Variants in HIGD1A observed in about 807,000 individuals in gnomAD.
HIGD1A encodes the protein HIG1 hypoxia inducible domain family member 1A.
HIGD1A carries 8 observed loss-of-function variants against 11.3 expected under a neutral mutation model. The observed-to-expected ratio is 0.71, with a 90% CI of 0.42 to 1.28. The LOEUF (loss-of-function observed/expected upper bound fraction) is 1.28. Ranked by LOEUF, HIGD1A falls within the 50% of genes most tolerant of loss-of-function variation. The pLI is 0.01. For synonymous variants in HIGD1A, 32 were observed against 38.4 expected, an observed-to-expected ratio of 0.83 and a Z score of 0.62; for missense variants, 107 against 118.8, an observed-to-expected ratio of 0.90 and a Z score of 0.46.
chr3:42,794,863 TA>T (rs1330093836), intron 1 of HIGD1A, among the ~76,000 whole-genome samples: 1 of 152,216 alleles, frequency 6.6e-6, no homozygotes, highest in African/African-American at 2.4e-5. Context: ...GGGAAAAGAT[TA>T]TTCTGAATAG....
At chr3:42,792,735 T>C (rs1236314624) in intron 2 of HIGD1A, among the ~76,000 whole-genome samples, 1 of 150,658 alleles carries the variant, frequency 6.6e-6, no homozygotes, top group Non-Finnish European at 1.5e-5. Flanking sequence ...ATCCCAGCAC[T>C]TTGGGAGGCC....
In HIGD1A at chr3:42,783,851, G is replaced by A. The variant is rs1258733635; in HGVS notation, c.*1420C>T. On this transcript the variant is annotated 3_prime_UTR_variant, in exon 4 of 4. Transcript: ENST00000321331. ...AGCACTTTGGGAGGCCGAGGCAGGT[G>A]GATAACCTGAGGTCAGGAATTCAAG... Among the ~76,000 whole-genome samples, 2 of 152,046 alleles carry A rather than the reference G, an allele frequency of 1.3e-5. No homozygotes were observed. The highest frequency in any genetic ancestry group is 6.6e-5 in the Admixed American group (1 of 15,248).
At chr3:42,795,604 C>T (rs778487060) in intron 1 of HIGD1A, among the ~76,000 whole-genome samples, 14 of 152,066 alleles carry the variant, frequency 9.2e-5, no homozygotes, top group Non-Finnish European at 1.2e-4. Flanking sequence ...GATCTGCCTT[C>T]ATTTACATAC....
intron 2 of HIGD1A, among the ~76,000 whole-genome samples, chr3:42,788,905 T>G (rs1473031286): frequency 6.6e-6 from 1 of 150,632 alleles, no homozygotes; most frequent in Middle Eastern, 3.2e-3. Context: ...AAAAAAGCCA[T>G]GAGAAGAGAA....
At chr3:42,788,070 G>A (rs1700374355) in intron 2 of HIGD1A, among the ~76,000 whole-genome samples, 1 of 151,810 alleles carries the variant, frequency 6.6e-6, no homozygotes, top group South Asian at 2.1e-4. Flanking sequence ...ACTAGATTTG[G>A]AGGTTAAAGT....
At chr3:42,787,100 T>C (rs1254400286) in intron 2 of HIGD1A, among the ~76,000 whole-genome samples, 1 of 152,178 alleles carries the variant, frequency 6.6e-6, no homozygotes, top group African/African-American at 2.4e-5. Context: ...AAATGACTGG[T>C]ATAATATAGC....
At chr3:42,794,932 A>C (rs971560975) in intron 1 of HIGD1A, among the ~76,000 whole-genome samples, 1 of 152,120 alleles carries the variant, frequency 6.6e-6, no homozygotes, top group African/African-American at 2.4e-5. Flanking sequence ...TTTTATTTTA[A>C]ATATTGGTAG....
At chr3:42,785,946 A>G in intron 3 of HIGD1A, 82 bp downstream of exon 3, 1 of 1,284,118 alleles carries the variant, frequency 7.8e-7, no homozygotes, top group African/African-American at 1.5e-5. Context: ...CTAAAAGGTC[A>G]GCTAAAAATA....
rs1221301890 is a variant in HIGD1A at position 42,783,753 on chromosome 3, CTG to C, written c.*1516_*1517del. Among the ~76,000 whole-genome samples, 1 of 151,986 alleles carries C rather than the reference CTG, an allele frequency of 6.6e-6. No homozygotes were observed. Among genetic ancestry groups the C allele is most frequent in the Non-Finnish European group, 1.5e-5 (1 of 68,018 alleles). ...ATTGCTCAAAAGGAATTATTGGTGA[CTG>C]AAAATAAATAGAAGAGTGTTATAAT... On this transcript the variant is annotated 3_prime_UTR_variant, in exon 4 of 4. Transcript: ENST00000321331.
intron 1 of HIGD1A, among the ~76,000 whole-genome samples, chr3:42,803,758 C>T (rs111985648): frequency 5.5e-4 from 84 of 152,340 alleles, no homozygotes; most frequent in Non-Finnish European, 1.1e-3. Context: ...TAATTCTGCC[C>T]TTACGCTGTG....
At chr3:42,803,982 G>C (rs894302346) in intron 1 of HIGD1A, among the ~76,000 whole-genome samples, 2 of 152,110 alleles carry the variant, frequency 1.3e-5, no homozygotes, top group Non-Finnish European at 2.9e-5. Flanking sequence ...TGACCTTGTC[G>C]TGACTCCGTG....
At chr3:42,787,595 ATAT>A (rs1559675327) in intron 2 of HIGD1A, among the ~76,000 whole-genome samples, 2 of 128,968 alleles carry the variant, frequency 1.6e-5, no homozygotes, top group South Asian at 2.4e-4. Flanking sequence ...CATCTCAAAA[ATAT>A]ATATATATAT....
chr3:42,791,106 A>G (rs926510846), intron 2 of HIGD1A, among the ~76,000 whole-genome samples: 2 of 152,254 alleles, frequency 1.3e-5, no homozygotes, highest in Non-Finnish European at 1.5e-5. Flanking sequence ...CAAATCTCTC[A>G]TATGTTTAGT....
intron 1 of HIGD1A, among the ~76,000 whole-genome samples, chr3:42,801,407 G>A (rs1448769226): frequency 6.6e-6 from 1 of 152,164 alleles, no homozygotes; most frequent in Non-Finnish European, 1.5e-5. Context: ...CAGTTTGTCT[G>A]TTTCTTTTGC....
At chr3:42,785,814 G>C (rs1233309980) in intron 3 of HIGD1A, among the ~76,000 whole-genome samples, 1 of 151,928 alleles carries the variant, frequency 6.6e-6, no homozygotes, top group Non-Finnish European at 1.5e-5. Context: ...GTGATTGACA[G>C]GATTTTTTTT....
At chr3:42,795,308 T>C (rs527521977) in intron 1 of HIGD1A, among the ~76,000 whole-genome samples, 1 of 151,668 alleles carries the variant, frequency 6.6e-6, no homozygotes, top group Admixed American at 6.6e-5. Context: ...AACCTCTGCC[T>C]CCCAGGTTCA....
rs1428730452 is a variant in HIGD1A, at chr3:42,794,294, G to T, written c.-22-19C>A. ...AATCTCCCTGAGAAAGAATTTCTAT[G>T]AGGTTCTGTAATTAAAAGCATCTGA... On this transcript the variant is annotated intron_variant, in intron 1 of 3. Coordinates refer to ENST00000321331, the MANE Select transcript of HIGD1A (RefSeq NM_014056.4). 6.4e-7 allele frequency: 1 copy of T among 1,552,490 alleles called. No individual in the cohort carries two copies. The highest frequency in any genetic ancestry group is 2.3e-5 in the Admixed American group (1 of 43,578).
At chr3:42,795,950 G>A (rs916660736) in intron 1 of HIGD1A, among the ~76,000 whole-genome samples, 2 of 152,154 alleles carry the variant, frequency 1.3e-5, no homozygotes, top group African/African-American at 4.8e-5. Context: ...AAGCATACAA[G>A]TCTCTAATTA....
chr3:42,795,538 A>G (rs1700485850), intron 1 of HIGD1A, among the ~76,000 whole-genome samples: 1 of 152,044 alleles, frequency 6.6e-6, no homozygotes, highest in Non-Finnish European at 1.5e-5. Context: ...TTTTAACATC[A>G]CTGCAGCACA....
Sources: allele counts gnomAD v4.1 joint callset (sites outside exome capture counted in the v4.1 genomes callset), GRCh38; gene constraint gnomAD v4.1.1; transcripts MANE v1.5; gene names NCBI Gene and HGNC (gene_info 2026-07-23, HGNC 2026-07-21).